The following IQSEC1 variants were observed in gnomAD, a reference collection of about 807,000 sequenced individuals.
IQSEC1 encodes the protein IQ motif and SEC7 domain-containing protein 1.
IQSEC1 carries 31 observed loss-of-function variants against 91.0 expected under a neutral mutation model. That is an observed-to-expected ratio of 0.34 (90% CI 0.26 to 0.46). The LOEUF (loss-of-function observed/expected upper bound fraction) is 0.46, where lower values mean the gene tolerates loss of function less well. Ranked by LOEUF, IQSEC1 falls within the 20% of genes least tolerant of loss-of-function variation. IQSEC1 has a pLI of 1.00. For missense variants in IQSEC1, 1,388 were observed against 1,575.6 expected, an observed-to-expected ratio of 0.88 and a Z score of 2.02; for synonymous variants, 699 against 662.6, an observed-to-expected ratio of 1.05 and a Z score of -0.84.
intron 2 of IQSEC1, among the ~76,000 whole-genome samples, chr3:13,095,717 C>T (rs962267725): frequency 2.6e-5 from 4 of 152,244 alleles, no homozygotes; most frequent in South Asian, 2.1e-4. Context: ...ATGCTGAGCA[C>T]GCCTGTCGGG....
intron 1 of IQSEC1, among the ~76,000 whole-genome samples, chr3:13,227,701 G>C (rs995021851): frequency 1.3e-5 from 2 of 152,196 alleles, no homozygotes; most frequent in African/African-American, 4.8e-5. Context: ...TGGGGCGATA[G>C]AGGGCTGGAG....
chr3:13,157,461 A>G (rs1194568619), intron 2 of IQSEC1, among the ~76,000 whole-genome samples: 1 of 152,206 alleles, frequency 6.6e-6, no homozygotes, highest in East Asian at 1.9e-4. Context: ...GAGGCCATTC[A>G]AGGGTCTCAG....
chr3:13,163,260 A>G (rs1199841652), intron 2 of IQSEC1, among the ~76,000 whole-genome samples: 1 of 151,982 alleles, frequency 6.6e-6, no homozygotes, highest in Non-Finnish European at 1.5e-5. Flanking sequence ...TGGCATCCTC[A>G]CGGCCAAGCT....
intron 1 of IQSEC1, among the ~76,000 whole-genome samples, chr3:13,037,883 G>A (rs948446622): frequency 3.3e-5 from 5 of 152,034 alleles, no homozygotes; most frequent in African/African-American, 4.8e-5. Flanking sequence ...AGTGTTTAAC[G>A]GGTACAGAGT....
chr3:12,939,181 G>A (rs1242469589), intron 2 of IQSEC1, among the ~76,000 whole-genome samples: 1 of 152,230 alleles, frequency 6.6e-6, no homozygotes, highest in African/African-American at 2.4e-5. Flanking sequence ...AAGACGCTCA[G>A]CGGAGGGAAG....
intron 1 of IQSEC1, among the ~76,000 whole-genome samples, chr3:13,180,715 T>C (rs243262): frequency 0.8 from 119,843 of 150,478 alleles, 47,791 homozygotes; most frequent in African/African-American, 0.86. Context: ...GCCAGCGAGC[T>C]CACGAGCCCA....
chr3:12,929,149 G>A (rs1355834607), intron 3 of IQSEC1, among the ~76,000 whole-genome samples: 2 of 152,196 alleles, frequency 1.3e-5, no homozygotes, highest in East Asian at 3.9e-4. Context: ...GGCGACCCAG[G>A]GTGAGTGAAC....
chr3:12,981,351 A>G (rs1701446745), intron 1 of IQSEC1, among the ~76,000 whole-genome samples: 1 of 152,210 alleles, frequency 6.6e-6, no homozygotes, highest in Non-Finnish European at 1.5e-5. Context: ...GCATTGCCAC[A>G]TTTGTGTTTA....
intron 1 of IQSEC1, among the ~76,000 whole-genome samples, chr3:13,055,667 A>G (rs576588529): frequency 6.6e-6 from 1 of 152,292 alleles, no homozygotes; most frequent in Admixed American, 6.5e-5. Flanking sequence ...TAATACCAGG[A>G]GATAGTGGAT....
intron 1 of IQSEC1, among the ~76,000 whole-genome samples, chr3:13,269,848 G>A (rs997939019): frequency 2.0e-5 from 3 of 152,204 alleles, no homozygotes; most frequent in Non-Finnish European, 2.9e-5. Flanking sequence ...GAGGGTGGAG[G>A]CCAATTCCTC....
At chr3:13,127,740 G>C (rs1706541588) in intron 2 of IQSEC1, among the ~76,000 whole-genome samples, 1 of 152,134 alleles carries the variant, frequency 6.6e-6, no homozygotes, top group Non-Finnish European at 1.5e-5. Context: ...GGGGAGAAAT[G>C]ACATCTTTAC....
At chr3:13,279,808 A>T (rs952139258) in intron 1 of IQSEC1, among the ~76,000 whole-genome samples, 1 of 152,132 alleles carries the variant, frequency 6.6e-6, no homozygotes, top group Non-Finnish European at 1.5e-5. Context: ...CAGGAAGTCA[A>T]TCCTGATGCT....
rs73147116 is a variant in IQSEC1 at position 13,109,098 on chromosome 3, G to A, written c.302+55006C>T. 2.3e-3 allele frequency among the ~76,000 whole-genome samples: 344 copies of A among 152,306 alleles called. 4 individuals are homozygous for A. Among genetic ancestry groups the A allele is most frequent in the African/African-American group, 7.6e-3 (317 of 41,562 alleles). On this transcript the variant is annotated intron_variant, in intron 2 of 15. Coordinates refer to the IQSEC1 transcript ENST00000648114. ...CAACATGGAAGGGGATGGCCAGAGC[G>A]TGGGCAGAATGACTCTCACTGGGGA...
At chr3:13,061,059 A>C (rs1705050336) in intron 1 of IQSEC1, among the ~76,000 whole-genome samples, 1 of 152,144 alleles carries the variant, frequency 6.6e-6, no homozygotes, top group Non-Finnish European at 1.5e-5. Context: ...CACAAGGGTG[A>C]CATTAATTCC....
Position 12,922,030 on chromosome 3 carries a change from G to C in IQSEC1, c.1853+90C>G, listed in dbSNP as rs999163613. The C allele has an allele frequency of 7.0e-7, 1 of 1,427,724 alleles. No homozygotes were observed. The highest frequency in any genetic ancestry group is 2.5e-5 in the East Asian group (1 of 39,854). 88.4% of individuals were successfully genotyped at this position (1,427,724 alleles called of 1,614,324 possible). A position where few individuals can be genotyped will look rare whatever the true frequency, so the allele number is the denominator to read the frequency against. ...CACCTGGCCCTGTCTAGGGATGGTG[G>C]GGATGCAGTCTTTGGTCCATCCTCG... On this transcript the variant is annotated intron_variant, in intron 5 of 13. Transcript: ENST00000613206. This position sits in a 1 kb window ranked among gnomAD's most constrained non-coding sequence, Gnocchi z 5.1.
intron 1 of IQSEC1, among the ~76,000 whole-genome samples, chr3:13,246,435 G>A (rs180921915): frequency 1.8e-4 from 28 of 152,310 alleles, no homozygotes; most frequent in Admixed American, 1.6e-3. Flanking sequence ...TGGACGGTGG[G>A]GACGGTGGCA....
At chr3:13,262,913 A>G (rs2125131927) in intron 1 of IQSEC1, among the ~76,000 whole-genome samples, 1 of 152,224 alleles carries the variant, frequency 6.6e-6, no homozygotes, top group South Asian at 2.1e-4. Flanking sequence ...GTGAATGTTT[A>G]ACAGGGGCAG....
chr3:13,071,708 C>T (rs1288989610), intron 1 of IQSEC1, among the ~76,000 whole-genome samples: 1 of 152,302 alleles, frequency 6.6e-6, no homozygotes, highest in Middle Eastern at 3.4e-3. Context: ...CCAGAGGCCA[C>T]CGTCATCCCT....
chr3:13,076,375 A>G (rs958422951), upstream of IQSEC1, among the ~76,000 whole-genome samples: 16 of 152,202 alleles, frequency 1.1e-4, 1 homozygote, highest in Admixed American at 9.8e-4. Flanking sequence ...GGGTAAGTCC[A>G]GAAACATCTC....
Sources: allele counts gnomAD v4.1 joint callset (sites outside exome capture counted in the v4.1 genomes callset), GRCh38; gene constraint gnomAD v4.1.1; non-coding constraint Gnocchi (gnomAD v3.1); transcripts MANE v1.5; gene names NCBI Gene and HGNC (gene_info 2026-07-23, HGNC 2026-07-21).